The following PTHLH variants were observed in gnomAD, a reference collection of about 807,000 sequenced individuals.
The protein encoded by PTHLH is parathyroid hormone like hormone.
A neutral mutation model predicts 18.6 loss-of-function variants in PTHLH; 5 were observed. The ratio of observed to expected loss-of-function variants is 0.27; its 90% CI spans 0.14 to 0.56. The LOEUF is 0.56. PTHLH is among the 20% of genes least tolerant of loss of function. The pLI, the probability that PTHLH is intolerant of heterozygous loss-of-function variation, is 0.92. For synonymous variants in PTHLH, 90 were observed against 94.0 expected, an observed-to-expected ratio of 0.96 and a Z score of 0.25; for missense variants, 207 against 223.9, an observed-to-expected ratio of 0.92 and a Z score of 0.48.
rs143737687 is a variant in PTHLH, at chr12:27,965,593, G to C, written c.102-1823C>G. 4.2e-3 allele frequency among the ~76,000 whole-genome samples: 639 copies of C among 152,258 alleles called. 2 individuals are homozygous for C. Among genetic ancestry groups the C allele is most frequent in the African/African-American group, 0.015 (619 of 41,536 alleles). ...CTACCTTCTAGTATTTTAGTGTGTG[G>C]ACTGACTTGAAGCCATGTAGCTCAT... On this transcript the variant is annotated intron_variant, in intron 4 of 5. Coordinates refer to ENST00000545234, the MANE Select transcript of PTHLH (RefSeq NM_198965.2).
intron 4 of PTHLH, among the ~76,000 whole-genome samples, chr12:27,964,784 T>A (rs2062797493): frequency 6.6e-6 from 1 of 152,242 alleles, no homozygotes; most frequent in Admixed American, 6.5e-5. Context: ...TCTCTATCAA[T>A]CCTTTTAGAT....
chr12:27,970,654 G>C (rs1410218453), intron 2 of PTHLH, among the ~76,000 whole-genome samples: 5 of 152,176 alleles, frequency 3.3e-5, no homozygotes, highest in African/African-American at 9.6e-5. Flanking sequence ...ACTGCCCCGG[G>C]CAGCCGGCGG....
chr12:27,963,888 T>C (rs2062784948), intron 4 of PTHLH, 118 bp from the exon 5 acceptor site: 1 of 1,033,272 alleles, frequency 9.7e-7, no homozygotes, highest in African/African-American at 1.6e-5. Context: ...AGACACAAGC[T>C]GGATGGGTAG....
intron 3 of PTHLH, chr12:27,969,771 C>T (rs776075398): frequency 2.9e-6 from 2 of 680,380 alleles, no homozygotes; most frequent in Non-Finnish European, 5.5e-6. Flanking sequence ...ATCAGAGGCG[C>T]TTCCTCTGAA....
At chr12:27,959,615 G>A (rs2062737717) in intron 5 of PTHLH, among the ~76,000 whole-genome samples, 1 of 152,162 alleles carries the variant, frequency 6.6e-6, no homozygotes, top group Non-Finnish European at 1.5e-5. Context: ...AGTTTTACAT[G>A]GCAGACATAT....
At chr12:27,966,763 A>T (rs963375446) in intron 4 of PTHLH, among the ~76,000 whole-genome samples, 1 of 152,184 alleles carries the variant, frequency 6.6e-6, no homozygotes, top group African/African-American at 2.4e-5. Context: ...AGATAACCCT[A>T]AATTCAGCCC....
rs753939463 is a variant in PTHLH at position 27,961,864 on chromosome 12, C to CTA, written c.524+1482_524+1483dup. On this transcript the variant is annotated intron_variant, in intron 5 of 5. Coordinates refer to ENST00000545234, the MANE Select transcript of PTHLH (RefSeq NM_198965.2). The stretch of plus-strand genomic sequence containing the variant: ...CCCTTTGAAGCATCATCCTATAATC[C>CTA]TATCTGTAGCAGAGTCAAAGGAAAT... 6.1e-6 allele frequency: 4 copies of CTA among 660,936 alleles called. No homozygotes were observed. The East Asian group carries it at 1.0e-4, about 17-fold the overall frequency. 40.9% of individuals were successfully genotyped at this position (660,936 alleles called of 1,614,324 possible). A position where few individuals can be genotyped will look rare whatever the true frequency, so the allele number is the denominator to read the frequency against.
chr12:27,960,874 C>A (rs1308532776), intron 5 of PTHLH, among the ~76,000 whole-genome samples: 6 of 152,024 alleles, frequency 3.9e-5, no homozygotes, highest in African/African-American at 1.5e-4. Flanking sequence ...ACTTATAAAA[C>A]TTTAGGTATT....
chr12:27,969,559 T>G, intron 3 of PTHLH, 43 bp from the exon 4 acceptor site: 1 of 1,447,972 alleles, frequency 6.9e-7, no homozygotes, highest in Non-Finnish European at 9.4e-7. Context: ...GTCTGGACTC[T>G]CCATCTCCCC....
chr12:27,963,874 C>A, intron 4 of PTHLH, 104 bp from the exon 5 acceptor site: 1 of 1,198,160 alleles, frequency 8.3e-7, no homozygotes, highest in Non-Finnish European at 1.2e-6. Context: ...GTTGGTCCAC[C>A]GTAAGACACA....
intron 4 of PTHLH, among the ~76,000 whole-genome samples, chr12:27,967,799 G>A (rs1050074516): frequency 5.3e-5 from 8 of 152,134 alleles, no homozygotes; most frequent in African/African-American, 9.7e-5. Context: ...GCTGCTAAAT[G>A]GTTTCTGATG....
At chr12:27,961,922 T>C in intron 5 of PTHLH, 1 of 722,534 alleles carries the variant, frequency 1.4e-6, no homozygotes, top group Non-Finnish European at 2.5e-6. Context: ...TCTTAAATAA[T>C]GAGATCATTA....
At chr12:27,963,132 C>T in intron 5 of PTHLH, 5 of 1,436,200 alleles carry the variant, frequency 3.5e-6, no homozygotes, top group South Asian at 1.5e-5. Context: ...GGCTCTAGCG[C>T]CTCTCTATGG....
intron 3 of PTHLH, 199 bp downstream of exon 3, chr12:27,969,826 G>A (rs1346196094): frequency 1.8e-6 from 1 of 550,072 alleles, no homozygotes; most frequent in South Asian, 1.4e-5. Flanking sequence ...TCAATGATAA[G>A]TAGTGTGTTT....
intron 5 of PTHLH, chr12:27,961,967 T>C (rs755267366): frequency 1.4e-6 from 1 of 715,954 alleles, no homozygotes; most frequent in Non-Finnish European, 2.5e-6. Flanking sequence ...TGTTTTCCTT[T>C]TTTTTTTTCA....
Position 27,958,206 on chromosome 12 carries a change from C to T in PTHLH, c.*353G>A, listed in dbSNP as rs2120585561. On this transcript the variant is annotated 3_prime_UTR_variant, in exon 6 of 6. Coordinates refer to ENST00000545234, the MANE Select transcript of PTHLH (RefSeq NM_198965.2). ...TATTTAGGCATTCATTAAAATCAAC[C>T]ACAAAATAGAGACACTTCATTGTGT... 1 of 174,618 alleles carries T rather than the reference C, an allele frequency of 5.7e-6. No individual in the cohort carries two copies. Among genetic ancestry groups the T allele is most frequent in the Middle Eastern group, 2.4e-3 (1 of 410 alleles). The allele number at this position is 174,618 out of a possible 1,614,324, so 10.8% of individuals were successfully genotyped here.
chr12:27,958,413 T>G lies in PTHLH; in HGVS notation c.*146A>C. ...AAAAAAAAATATTCACAATGACCAA[T>G]GTGCAGTTTCATAGAGCAATGGGGG... is the stretch of plus-strand genomic sequence containing the variant. On this transcript the variant is annotated 3_prime_UTR_variant, in exon 6 of 6. Coordinates refer to ENST00000545234, the MANE Select transcript of PTHLH (RefSeq NM_198965.2). 1.6e-6 allele frequency: 1 copy of G among 608,086 alleles called. No homozygotes were observed. The highest frequency in any genetic ancestry group is 2.5e-6 in the Non-Finnish European group (1 of 392,226). The allele number at this position is 608,086 out of a possible 1,614,324, so 37.7% of individuals were successfully genotyped here.
chr12:27,972,042 A>AAAAAAAAAAAAAAAAAAAAAAAAAAC (rs2062875748), intron 1 of PTHLH, 23 bp from the exon 2 acceptor site: 1 of 151,304 alleles, frequency 6.6e-6, no homozygotes, highest in Non-Finnish European at 1.5e-5. Flanking sequence ...AAAAAAAAAA[A>AAAAAAAAAAAAAAAAAAAAAAAAAAC]AAAAAAAAGT....
chr12:27,964,265 TCTC>T (rs374738849), intron 4 of PTHLH, among the ~76,000 whole-genome samples: 33,659 of 82,436 alleles, frequency 0.41, 3,801 homozygotes, highest in Middle Eastern at 0.5. Flanking sequence ...TCTCTCTCTC[TCTC>T]CTCTCTCTCT....
Sources: gnomAD v4.1 joint callset for allele counts (sites outside exome capture counted in the v4.1 genomes callset) on GRCh38, gnomAD v4.1.1 for gene constraint, MANE v1.5 for transcripts, NCBI Gene and HGNC (gene_info 2026-07-23, HGNC 2026-07-21) for gene names.